Variants in SCARA3 observed in about 807,000 individuals in gnomAD.
SCARA3 encodes the protein cellular stress response gene protein.
A neutral mutation model predicts 47.0 loss-of-function variants in SCARA3; 39 were observed. That is an observed-to-expected ratio of 0.83 (90% CI 0.64 to 1.08). The LOEUF (loss-of-function observed/expected upper bound fraction) is 1.08, where lower values mean the gene tolerates loss of function less well. Among genes scored for constraint, SCARA3 ranks in the 50% least tolerant of loss-of-function variants. The probability of loss-of-function intolerance (pLI) is 0.00; values close to 1 mark genes in which losing one functional copy is unlikely to be tolerated. For missense variants in SCARA3, 724 were observed against 792.3 expected (o/e 0.91, Z 1.04); for synonymous variants, 356 against 334.1 (o/e 1.07, Z -0.71).
In SCARA3 at chr8:27,634,215, C is replaced by A; in HGVS notation, c.7+8C>A. ...AGGAAGAGACCATGAAAGGTAAGGG[C>A]GGCCTGTCGGGGGCAGCTCCGAGGG... On this transcript the variant is annotated splice_region_variant and intron_variant, in intron 1 of 5. Coordinates refer to ENST00000301904, the MANE Select transcript of SCARA3 (RefSeq NM_016240.3). 1 of 1,368,700 alleles carries A rather than the reference C, an allele frequency of 7.3e-7. No individual in the cohort carries two copies. The allele number at this position is 1,368,700 out of a possible 1,614,324, so 84.8% of individuals were successfully genotyped here. A position where few individuals can be genotyped will look rare whatever the true frequency, so the allele number is the denominator to read the frequency against.
chr8:27,674,717 TTC>T (rs1299716671), downstream of SCARA3, among the ~76,000 whole-genome samples: 3 of 148,548 alleles, frequency 2.0e-5, no homozygotes, highest in East Asian at 2.0e-4. Flanking sequence ...CCTCTTTCTT[TTC>T]TCTCTCTTTT....
chr8:27,647,870 C>G (rs1276582556), intron 1 of SCARA3, among the ~76,000 whole-genome samples: 1 of 152,178 alleles, frequency 6.6e-6, no homozygotes. Flanking sequence ...CTTTGCTTAC[C>G]AACAGCGCCT....
At chr8:27,642,421 C>A (rs1024998281) in intron 1 of SCARA3, among the ~76,000 whole-genome samples, 1 of 152,180 alleles carries the variant, frequency 6.6e-6, no homozygotes, top group Non-Finnish European at 1.5e-5. Context: ...GACGATCTCC[C>A]CACCATTTAC....
At chr8:27,728,833 G>A in the SCARA3 span, among the ~76,000 whole-genome samples, 1 of 152,202 alleles carries the variant, frequency 6.6e-6, no homozygotes, top group African/African-American at 2.4e-5. Context: ...AGGCCAGCTG[G>A]GGCAACATGG....
At chr8:27,704,114 G>T in the SCARA3 span, among the ~76,000 whole-genome samples, 1 of 151,860 alleles carries the variant, frequency 6.6e-6, no homozygotes, top group African/African-American at 2.4e-5. Context: ...CTAAAGGAAA[G>T]GAGTGAAAGA....
chr8:27,658,277 A>C (rs959587571), intron 4 of SCARA3, among the ~76,000 whole-genome samples: 2 of 152,214 alleles, frequency 1.3e-5, no homozygotes, highest in African/African-American at 4.8e-5. Flanking sequence ...AACATCCTAA[A>C]TGCTACATTT....
chr8:27,639,339 C>T (rs1481193352), intron 1 of SCARA3, among the ~76,000 whole-genome samples: 2 of 152,122 alleles, frequency 1.3e-5, no homozygotes, highest in Admixed American at 6.5e-5. Flanking sequence ...AACAAATGCA[C>T]GGCATATACG....
Position 27,671,647 on chromosome 8 carries a change from C to CAT in SCARA3, c.*297_*298insTA, listed in dbSNP as rs143907206. Reference sequence around the variant, plus strand: ...ATACACAGGCATACATGCATGCACACACACATGCACGCACACACACATGCA... The same window carrying CAT: ...ATACACAGGCATACATGCATGCACACATACACATGCACGCACACACACATGCA... On this transcript the variant is annotated 3_prime_UTR_variant, in exon 6 of 6. Transcript: ENST00000301904. 0.072 allele frequency: 81,601 copies of CAT among 1,131,612 alleles called. 3,175 individuals carry two copies. Among genetic ancestry groups the CAT allele is most frequent in the East Asian group, 0.18 (4,571 of 25,166 alleles). 70.1% of individuals were successfully genotyped at this position (1,131,612 alleles called of 1,614,324 possible).
chr8:27,711,466 A>G, the SCARA3 span, among the ~76,000 whole-genome samples: 1 of 152,110 alleles, frequency 6.6e-6, no homozygotes, highest in Admixed American at 6.5e-5. Context: ...AGTCTTCCAT[A>G]GTTCCCTGGC....
At chr8:27,701,581 C>T in the SCARA3 span, 1 of 151,284 alleles carries the variant, frequency 6.6e-6, no homozygotes, top group South Asian at 2.1e-4. Flanking sequence ...CTTTCTTTCT[C>T]TTTCTCTCTT....
chr8:27,716,614 A>T, the SCARA3 span, among the ~76,000 whole-genome samples: 3 of 152,244 alleles, frequency 2.0e-5, no homozygotes, highest in Admixed American at 6.5e-5. Flanking sequence ...TGATAATAAA[A>T]TGCCAACTAA....
the SCARA3 span, among the ~76,000 whole-genome samples, chr8:27,684,922 TA>T: frequency 6.2e-4 from 94 of 150,724 alleles, no homozygotes; most frequent in South Asian, 2.7e-3. Flanking sequence ...TTAATTAATG[TA>T]AAAAAAAAGT....
chr8:27,646,978 C>CCCCCCCA (rs1801514724), intron 1 of SCARA3, among the ~76,000 whole-genome samples: 1 of 110,492 alleles, frequency 9.1e-6, no homozygotes, highest in Non-Finnish European at 2.0e-5. Flanking sequence ...CCCCGCCCCC[C>CCCCCCCA]CCCCGCACAC....
chr8:27,693,494 A>G, the SCARA3 span, among the ~76,000 whole-genome samples: 17 of 152,196 alleles, frequency 1.1e-4, no homozygotes, highest in African/African-American at 4.1e-4. Context: ...GAGTGGAAAG[A>G]GTTCTGATTT....
intron 1 of SCARA3, 65 bp from the exon 2 acceptor site, chr8:27,649,637 A>C: frequency 6.7e-7 from 1 of 1,484,490 alleles, no homozygotes; most frequent in Non-Finnish European, 9.4e-7. Flanking sequence ...GGGACAGGTA[A>C]ATAAAAGGGG....
chr8:27,732,393 G>C, the SCARA3 span, among the ~76,000 whole-genome samples: 1 of 152,202 alleles, frequency 6.6e-6, no homozygotes, highest in African/African-American at 2.4e-5. Context: ...CCAGTTTCTT[G>C]TTTCATCTGG....
the SCARA3 span, among the ~76,000 whole-genome samples, chr8:27,714,040 T>C: frequency 6.6e-6 from 1 of 152,092 alleles, no homozygotes; most frequent in African/African-American, 2.4e-5. Context: ...CCACGTGATG[T>C]ACCTGCTTCC....
chr8:27,664,023 T>TA (rs1801965379), intron 5 of SCARA3, among the ~76,000 whole-genome samples: 2 of 152,226 alleles, frequency 1.3e-5, no homozygotes, highest in South Asian at 2.1e-4. Flanking sequence ...ATGAAACAAC[T>TA]AATCCTTCAC....
intron 1 of SCARA3, among the ~76,000 whole-genome samples, chr8:27,648,583 G>A (rs781399045): frequency 7.6e-4 from 116 of 151,874 alleles, no homozygotes; most frequent in Non-Finnish European, 1.4e-3. Flanking sequence ...CAGCCTGGGC[G>A]ACACAGTGAG....
Sources: allele counts gnomAD v4.1 joint callset (sites outside exome capture counted in the v4.1 genomes callset), GRCh38; gene constraint gnomAD v4.1.1; transcripts MANE v1.5; gene names NCBI Gene and HGNC (gene_info 2026-07-23, HGNC 2026-07-21).